Variants in PCDH15 observed in about 807,000 individuals in gnomAD.
PCDH15 encodes protocadherin related 15.
PCDH15 carries 129 observed loss-of-function variants against 178.5 expected under a neutral mutation model. The ratio of observed to expected loss-of-function variants is 0.72; its 90% CI spans 0.63 to 0.84. The LOEUF is 0.84. Ranked by LOEUF, PCDH15 falls within the 40% of genes least tolerant of loss-of-function variation. The pLI, the probability that PCDH15 is intolerant of heterozygous loss-of-function variation, is 0.00. For synonymous variants in PCDH15, 800 were observed against 732.0 expected, an observed-to-expected ratio of 1.09 and a Z score of -1.50; for missense variants, 2,230 against 2,099.9, an observed-to-expected ratio of 1.06 and a Z score of -1.21.
chr10:55,279,429 G>A (rs1481109413), intron 1 of PCDH15, among the ~76,000 whole-genome samples: 1 of 152,152 alleles, frequency 6.6e-6, no homozygotes, highest in African/African-American at 2.4e-5. Context: ...GATTTCCTTT[G>A]AAATGAACTT....
intron 1 of PCDH15, among the ~76,000 whole-genome samples, chr10:54,698,003 G>A (rs1437374623): frequency 6.6e-6 from 1 of 151,982 alleles, no homozygotes; most frequent in Admixed American, 6.6e-5. Context: ...CTGAGAGTGA[G>A]CTTTAATATA....
chr10:55,055,890 T>C (rs1024835502), intron 2 of PCDH15, among the ~76,000 whole-genome samples: 4 of 152,290 alleles, frequency 2.6e-5, no homozygotes, highest in Non-Finnish European at 5.9e-5. Context: ...AATATATGTT[T>C]TGTTTTGATA....
chr10:54,134,787 A>G (rs901452218), intron 14 of PCDH15, among the ~76,000 whole-genome samples: 1 of 151,696 alleles, frequency 6.6e-6, no homozygotes, highest in Non-Finnish European at 1.5e-5. Context: ...AATTCAGATC[A>G]TAGGCACTAA....
intron 20 of PCDH15, among the ~76,000 whole-genome samples, chr10:54,001,047 G>T (rs1189159806): frequency 3.8e-5 from 3 of 78,260 alleles, no homozygotes; most frequent in Non-Finnish European, 7.1e-5. Flanking sequence ...TACTTAAAGT[G>T]CTGAAGGACA....
intron 2 of PCDH15, among the ~76,000 whole-genome samples, chr10:55,438,694 A>G (rs1839106290): frequency 6.6e-6 from 1 of 152,000 alleles, no homozygotes; most frequent in Admixed American, 6.6e-5. Flanking sequence ...GAAAAGAAAT[A>G]GAAATAAAAT....
chr10:54,230,645 G>A (rs1035596579), intron 9 of PCDH15, among the ~76,000 whole-genome samples: 2 of 151,972 alleles, frequency 1.3e-5, no homozygotes, highest in Non-Finnish European at 2.9e-5. Context: ...AGTTAATGAA[G>A]GTTGATAAAA....
intron 16 of PCDH15, among the ~76,000 whole-genome samples, chr10:54,086,659 G>A (rs1218328095): frequency 1.3e-5 from 2 of 152,128 alleles, no homozygotes. Flanking sequence ...TTGAGGTGGT[G>A]GAAACAAAGT....
At chr10:54,766,791 C>A (rs1184766548) in intron 1 of PCDH15, among the ~76,000 whole-genome samples, 1 of 151,718 alleles carries the variant, frequency 6.6e-6, no homozygotes, top group South Asian at 2.1e-4. Flanking sequence ...TAGCCAGGCG[C>A]GGTGGCAGGC....
intron 1 of PCDH15, among the ~76,000 whole-genome samples, chr10:55,210,632 T>TC (rs1591991714): frequency 7.9e-6 from 1 of 125,842 alleles, no homozygotes; most frequent in East Asian, 2.2e-4. Flanking sequence ...TTTTTTTTTT[T>TC]TTTTTTTTTT....
intron 3 of PCDH15, among the ~76,000 whole-genome samples, chr10:54,829,316 C>A (rs1387923976): frequency 6.6e-6 from 1 of 151,924 alleles, no homozygotes; most frequent in Non-Finnish European, 1.5e-5. Flanking sequence ...AATTGCAGAA[C>A]TGTAACCAAT....
In PCDH15 at chr10:55,542,148, A is replaced by G. The variant is rs1410766561; in HGVS notation, c.-156+85477T>C. ...AAATCAGTATTATATATATATGTCT[A>G]TATATGTCTATATATGTACATATGT... On this transcript the variant is annotated intron_variant, in intron 2 of 5. Transcript: ENST00000613346. Among the ~76,000 whole-genome samples the G allele has an allele frequency of 2.6e-5, 4 of 151,678 alleles. No individual in the cohort carries two copies. In the East Asian group the frequency reaches 7.8e-4, roughly 29 times the overall value.
At chr10:54,290,467 C>T (rs1429935275) in intron 8 of PCDH15, among the ~76,000 whole-genome samples, 1 of 152,308 alleles carries the variant, frequency 6.6e-6, no homozygotes, top group Non-Finnish European at 1.5e-5. Flanking sequence ...ACCATGGATG[C>T]TATGAAGAAA....
chr10:54,124,304 A>C (rs1468184163), intron 15 of PCDH15, among the ~76,000 whole-genome samples: 1 of 152,158 alleles, frequency 6.6e-6, no homozygotes, highest in Non-Finnish European at 1.5e-5. Flanking sequence ...TAGAGACAGA[A>C]AGTTACATGG....
At chr10:54,516,451 A>T (rs1310152023) in intron 3 of PCDH15, among the ~76,000 whole-genome samples, 7 of 152,084 alleles carry the variant, frequency 4.6e-5, no homozygotes, top group African/African-American at 1.7e-4. Flanking sequence ...ACTGGAAGAA[A>T]GGGTATCAGT....
chr10:54,357,156 G>T lies in PCDH15; in HGVS notation c.475-10672C>A, dbSNP rs1945150415. ...ATTCAACATAGTGTTGGAAGTTCTG[G>T]CCAGGGCAGTTAGGCAGGAGAAGGA... is the stretch of plus-strand genomic sequence containing the variant. On this transcript the variant is annotated intron_variant, in intron 5 of 37. Transcript: ENST00000644397. Among the ~76,000 whole-genome samples, 4 of 152,054 alleles carry T rather than the reference G, an allele frequency of 2.6e-5. No homozygotes were observed. The South Asian group carries it at 8.3e-4, about 32-fold the overall frequency.
chr10:54,896,472 G>A (rs1321231647), intron 3 of PCDH15, among the ~76,000 whole-genome samples: 15 of 149,802 alleles, frequency 1.0e-4, no homozygotes, highest in Admixed American at 9.4e-4. Flanking sequence ...CTTCTTTCTT[G>A]ATTTATTCCC....
chr10:53,941,514 G>A (rs924901765), intron 23 of PCDH15, among the ~76,000 whole-genome samples: 3 of 152,028 alleles, frequency 2.0e-5, no homozygotes, highest in African/African-American at 7.2e-5. Context: ...TTCATTTTTA[G>A]CACTACATAA....
chr10:54,036,024 C>T (rs2093409037), intron 18 of PCDH15, among the ~76,000 whole-genome samples: 1 of 151,868 alleles, frequency 6.6e-6, no homozygotes, highest in Non-Finnish European at 1.5e-5. Flanking sequence ...CCTTAACTCT[C>T]TTCCTTTCTC....
intron 2 of PCDH15, among the ~76,000 whole-genome samples, chr10:55,160,119 T>C (rs1288357473): frequency 6.6e-6 from 1 of 152,034 alleles, no homozygotes; most frequent in Non-Finnish European, 1.5e-5. Flanking sequence ...GTGATCCAGT[T>C]CTGGGTCATA....
Sources: allele counts gnomAD v4.1 joint callset (sites outside exome capture counted in the v4.1 genomes callset), GRCh38; gene constraint gnomAD v4.1.1; transcripts MANE v1.5; gene names NCBI Gene and HGNC (gene_info 2026-07-23, HGNC 2026-07-21).